PRKG1: variants seen among roughly 807,000 people sequenced by gnomAD.
The protein encoded by PRKG1 is protein kinase cGMP-dependent 1.
A neutral mutation model predicts 88.1 loss-of-function variants in PRKG1; 35 were observed. The observed-to-expected ratio is 0.40, with a 90% confidence interval of 0.30 to 0.53. PRKG1 has a LOEUF of 0.53. PRKG1 is among the 20% of genes least tolerant of loss of function. The pLI, the probability that PRKG1 is intolerant of heterozygous loss-of-function variation, is 0.59. For missense variants in PRKG1, 540 were observed against 839.8 expected (o/e 0.64, Z 4.41); for synonymous variants, 303 against 292.5 (o/e 1.04, Z -0.37).
chr10:51,554,308 T>A (rs1167004262), intron 3 of PRKG1, among the ~76,000 whole-genome samples: 1 of 142,138 alleles, frequency 7.0e-6, no homozygotes, highest in Non-Finnish European at 1.5e-5. Context: ...ATATATAATA[T>A]GTACATATAT....
At chr10:51,252,079 G>A (rs1181168321) in intron 2 of PRKG1, among the ~76,000 whole-genome samples, 1 of 151,722 alleles carries the variant, frequency 6.6e-6, no homozygotes, top group Non-Finnish European at 1.5e-5. Flanking sequence ...GCACATGCAT[G>A]AGTGTCTTCT....
At chr10:51,934,276 C>T (rs1436130355) in intron 5 of PRKG1, among the ~76,000 whole-genome samples, 2 of 150,390 alleles carry the variant, frequency 1.3e-5, no homozygotes, top group African/African-American at 4.9e-5. Flanking sequence ...ACACCGCCCA[C>T]ACACACGCAC....
intron 2 of PRKG1, among the ~76,000 whole-genome samples, chr10:51,214,201 T>C (rs1838311259): frequency 6.6e-6 from 1 of 152,184 alleles, no homozygotes; most frequent in South Asian, 2.1e-4. Flanking sequence ...TATGTACACA[T>C]ATGTACATAC....
intron 2 of PRKG1, among the ~76,000 whole-genome samples, chr10:51,189,920 T>C (rs1177044230): frequency 6.6e-6 from 1 of 151,808 alleles, no homozygotes; most frequent in Non-Finnish European, 1.5e-5. Context: ...AAACTGAAGA[T>C]TATAGTTGTG....
chr10:51,529,485 G>A (rs753171872), intron 3 of PRKG1, among the ~76,000 whole-genome samples: 8 of 151,994 alleles, frequency 5.3e-5, no homozygotes, highest in Middle Eastern at 3.2e-3. Flanking sequence ...GTCACCTACC[G>A]CTCACCTGCT....
intron 2 of PRKG1, among the ~76,000 whole-genome samples, chr10:51,227,594 T>C (rs1412340077): frequency 6.6e-6 from 1 of 152,226 alleles, no homozygotes; most frequent in Non-Finnish European, 1.5e-5. Flanking sequence ...GGCCTATTTA[T>C]CTTTGTATCC....
At chr10:52,033,330 T>G (rs1183729003) in intron 5 of PRKG1, among the ~76,000 whole-genome samples, 1 of 152,148 alleles carries the variant, frequency 6.6e-6, no homozygotes, top group African/African-American at 2.4e-5. Flanking sequence ...TGATAAAACG[T>G]ACCTGGTCAA....
At position 50,991,220 on chromosome 10, in the gene PRKG1, G is replaced by A. The variant is rs974123083; in HGVS notation, c.-159G>A. ...AGCGGATCGAAGCAGGAGGCTCCCC[G>A]CGCCGCATTAGGGGCGCACTCCGCC... On this transcript the variant is annotated 5_prime_UTR_variant, in exon 1 of 18. Transcript: ENST00000401604. This position sits in a 1 kb window ranked among gnomAD's most constrained non-coding sequence, Gnocchi z 4.5. 9.3e-7 allele frequency: 1 copy of A among 1,076,576 alleles called. No individual in the cohort carries two copies. The highest frequency in any genetic ancestry group is 1.7e-5 in the African/African-American group (1 of 57,656). 66.7% of individuals were successfully genotyped at this position (1,076,576 alleles called of 1,614,324 possible).
intron 3 of PRKG1, among the ~76,000 whole-genome samples, chr10:51,495,490 G>A (rs746786583): frequency 1.2e-4 from 18 of 152,244 alleles, no homozygotes; most frequent in Non-Finnish European, 2.4e-4. Flanking sequence ...AATAAGGAAA[G>A]ATATCATTCC....
intron 3 of PRKG1, among the ~76,000 whole-genome samples, chr10:51,560,909 C>T (rs1454955559): frequency 6.6e-6 from 1 of 151,538 alleles, no homozygotes; most frequent in Non-Finnish European, 1.5e-5. Context: ...CTTTAATGTA[C>T]CACAACTAAA....
intron 1 of PRKG1, among the ~76,000 whole-genome samples, chr10:51,078,518 C>A (rs1844022332): frequency 6.6e-6 from 1 of 151,154 alleles, no homozygotes; most frequent in South Asian, 2.1e-4. Context: ...ATGTGAGCCA[C>A]CACACCTGGC....
At chr10:52,032,063 G>C (rs1845488435) in intron 5 of PRKG1, among the ~76,000 whole-genome samples, 1 of 152,158 alleles carries the variant, frequency 6.6e-6, no homozygotes, top group African/African-American at 2.4e-5. Flanking sequence ...AGAATGTTGA[G>C]CAATTTAAGT....
intron 1 of PRKG1, among the ~76,000 whole-genome samples, chr10:51,022,955 C>T (rs1213764637): frequency 1.3e-5 from 2 of 152,198 alleles, no homozygotes; most frequent in Non-Finnish European, 2.9e-5. Context: ...CAAGATCGCA[C>T]TACTGCACTC....
At chr10:51,958,871 C>T (rs1051700463) in intron 5 of PRKG1, among the ~76,000 whole-genome samples, 6 of 152,042 alleles carry the variant, frequency 3.9e-5, no homozygotes, top group Non-Finnish European at 7.4e-5. Context: ...GAAGGCATTA[C>T]CTGGGCCTTC....
chr10:51,485,896 C>A (rs955407034), intron 3 of PRKG1, among the ~76,000 whole-genome samples: 1 of 152,070 alleles, frequency 6.6e-6, no homozygotes, highest in African/African-American at 2.4e-5. Context: ...CCATTCACAC[C>A]TGTTGATGCA....
intron 7 of PRKG1, among the ~76,000 whole-genome samples, chr10:52,075,343 A>G (rs1319058283): frequency 6.6e-6 from 1 of 152,244 alleles, no homozygotes; most frequent in East Asian, 1.9e-4. Flanking sequence ...GCTCACCGCA[A>G]TCCCAATCAA....
chr10:51,605,348 G>A (rs1359272850), intron 3 of PRKG1, among the ~76,000 whole-genome samples: 1 of 152,154 alleles, frequency 6.6e-6, no homozygotes, highest in African/African-American at 2.4e-5. Context: ...CCGAGGGTGG[G>A]GCCCTCATTA....
chr10:51,695,647 C>T (rs952193853), intron 3 of PRKG1: 4 of 152,116 alleles, frequency 2.6e-5, no homozygotes, highest in African/African-American at 9.7e-5. Flanking sequence ...TAGTATTAAG[C>T]ATAACTATCA....
At chr10:52,010,793 T>A (rs1355999978) in intron 5 of PRKG1, among the ~76,000 whole-genome samples, 2 of 152,148 alleles carry the variant, frequency 1.3e-5, no homozygotes, top group African/African-American at 4.8e-5. Context: ...TTGCAACCAA[T>A]GTTGTTAGCC....
Sources: allele counts gnomAD v4.1 joint callset (sites outside exome capture counted in the v4.1 genomes callset), GRCh38; gene constraint gnomAD v4.1.1; non-coding constraint Gnocchi (gnomAD v3.1); transcripts MANE v1.5; gene names NCBI Gene and HGNC (gene_info 2026-07-23, HGNC 2026-07-21).